FGL1: variants seen among roughly 807,000 people sequenced by gnomAD.
The protein encoded by FGL1 is fibrinogen like 1.
A neutral mutation model predicts 43.7 loss-of-function variants in FGL1; 59 were observed. The ratio of observed to expected loss-of-function variants is 1.35; its 90% CI spans 1.10 to 1.68. The LOEUF is 1.68. FGL1 is among the 40% of genes most tolerant of loss of function. The pLI, the probability that FGL1 is intolerant of heterozygous loss-of-function variation, is 0.00. For missense variants in FGL1, 596 were observed against 373.0 expected (o/e 1.60, Z -4.92); for synonymous variants, 192 against 126.5 (o/e 1.52, Z -3.48).
intron 1 of FGL1, among the ~76,000 whole-genome samples, chr8:17,888,727 T>A (rs2053664029): frequency 2.0e-5 from 3 of 152,190 alleles, no homozygotes; most frequent in Admixed American, 2.0e-4. Context: ...CAATAGTCAA[T>A]AATTTTATTA....
intron 5 of FGL1, among the ~76,000 whole-genome samples, chr8:17,870,614 A>G (rs1310914592): frequency 6.6e-6 from 1 of 152,120 alleles, no homozygotes; most frequent in African/African-American, 2.4e-5. Flanking sequence ...ACTTATAGCA[A>G]GGGGCTTTGG....
intron 1 of FGL1, among the ~76,000 whole-genome samples, chr8:17,893,085 C>A (rs2053728072): frequency 6.6e-6 from 1 of 152,046 alleles, no homozygotes; most frequent in African/African-American, 2.4e-5. Flanking sequence ...CCTTTTATCC[C>A]AGCTACTGTG....
intron 3 of FGL1, among the ~76,000 whole-genome samples, chr8:17,878,082 G>T (rs2053482839): frequency 6.6e-6 from 1 of 151,992 alleles, no homozygotes; most frequent in Non-Finnish European, 1.5e-5. Context: ...TCAGCCTCCT[G>T]AGTAGCTGGG....
intron 7 of FGL1, chr8:17,868,309 G>C (rs941065680): frequency 3.3e-6 from 1 of 304,994 alleles, no homozygotes; most frequent in Non-Finnish European, 5.9e-6. Flanking sequence ...AATTCAGTTT[G>C]CAAATGATCT....
chr8:17,868,733 A>T lies in FGL1; in HGVS notation c.594T>A (p.Asn198Lys), dbSNP rs1563447184. Residue 198 changes from asparagine (N) to lysine (K), a missense_variant and splice_region_variant, in exon 7 of 8, where the codon AAT (asparagine) becomes AAA (lysine). By Grantham distance (94) the Asn-to-Lys change is moderately conservative. Coordinates refer to ENST00000427924, the MANE Select transcript of FGL1 (RefSeq NM_004467.4). ...ATTCCCCAATATTCAACTCGTAGAA[A>T]TTCTAAAGAAAAAGGGCATTTCTGC... ...YKNFKVGDEK[N>K]FYELNIGEYS... The T allele has an allele frequency of 6.2e-7, 1 of 1,608,278 alleles. No individual in the cohort carries two copies. The highest frequency in any genetic ancestry group is 1.7e-5 in the Admixed American group (1 of 58,726).
intron 5 of FGL1, among the ~76,000 whole-genome samples, chr8:17,871,410 C>T (rs2053357754): frequency 6.7e-6 from 1 of 149,250 alleles, no homozygotes; most frequent in African/African-American, 2.5e-5. Context: ...ATGAGAATTG[C>T]TTGAGCCAAG....
intron 5 of FGL1, among the ~76,000 whole-genome samples, chr8:17,871,107 G>C (rs764220023): frequency 6.6e-6 from 1 of 152,064 alleles, no homozygotes; most frequent in Non-Finnish European, 1.5e-5. Context: ...CCTTGCCCCA[G>C]GGAGCTCTCT....
rs763584085 is a variant in FGL1 at position 17,882,024 on chromosome 8, A to T, written c.219T>A (p.Asp73Glu). The T allele has an allele frequency of 9.9e-6, 16 of 1,613,962 alleles. No individual in the cohort carries two copies. The East Asian group carries it at 3.6e-4, about 36-fold the overall frequency. ...LDKGDENTVIDLGSKRQYADC... is the reference protein window; with the variant it reads ...LDKGDENTVIELGSKRQYADC... ...CTGCATACTGCCTCTTGCTTCCAAG[A>T]TCAATGACAGTATTCTCATCTCCTT... is the stretch of plus-strand genomic sequence containing the variant. Residue 73 changes from aspartate to glutamate, a missense_variant, in exon 3 of 8, where the codon GAT becomes GAA. Transcript: ENST00000427924.
At position 17,875,777 on chromosome 8, in the gene FGL1, T is replaced by A. The variant is rs202050303; in HGVS notation, c.245-1256A>T. 3.4e-4 allele frequency among the ~76,000 whole-genome samples: 52 copies of A among 152,146 alleles called. No individual in the cohort carries two copies. In the East Asian group the frequency reaches 9.7e-3, roughly 28 times the overall value. On this transcript the variant is annotated intron_variant, in intron 3 of 7. Transcript: ENST00000427924. ...GCACCTACACACCTGGCTAATTTTT[T>A]TGTATTTTTAGTACAGACTGGATTT...
intron 6 of FGL1, 85 bp downstream of exon 6, chr8:17,868,830 TA>T (rs1585127199): frequency 6.8e-7 from 1 of 1,466,198 alleles, no homozygotes; most frequent in East Asian, 2.3e-5. Flanking sequence ...GGTTCTATTG[TA>T]TATTTTTATT....
intron 1 of FGL1, among the ~76,000 whole-genome samples, chr8:17,889,536 C>T (rs747029653): frequency 1.3e-5 from 2 of 152,062 alleles, no homozygotes; most frequent in Non-Finnish European, 2.9e-5. Flanking sequence ...GGTGACAGAG[C>T]GACACTCCAC....
intron 1 of FGL1, among the ~76,000 whole-genome samples, chr8:17,887,007 C>G (rs1235698315): frequency 6.6e-6 from 1 of 152,138 alleles, no homozygotes; most frequent in Non-Finnish European, 1.5e-5. Flanking sequence ...TTCTCGTACC[C>G]TTTCAGAATA....
At chr8:17,874,663 T>C (rs2053418590) in intron 3 of FGL1, 142 bp from the exon 4 acceptor site, 1 of 497,674 alleles carries the variant, frequency 2.0e-6, no homozygotes, top group African/African-American at 2.0e-5. Context: ...AATTGCATCT[T>C]GTACATCTTC....
At chr8:17,878,511 T>G (rs1175156507) in intron 3 of FGL1, among the ~76,000 whole-genome samples, 1 of 152,154 alleles carries the variant, frequency 6.6e-6, no homozygotes, top group African/African-American at 2.4e-5. Context: ...GCCAGTGGTG[T>G]TGTCAAGTGA....
chr8:17,875,918 C>G (rs530953916), intron 3 of FGL1, among the ~76,000 whole-genome samples: 140 of 152,238 alleles, frequency 9.2e-4, no homozygotes, highest in South Asian at 3.5e-3. Flanking sequence ...ATGGTGATGT[C>G]TGTTCCTTAA....
intron 5 of FGL1, among the ~76,000 whole-genome samples, chr8:17,873,450 C>T (rs558184011): frequency 2.6e-5 from 4 of 151,966 alleles, no homozygotes; most frequent in Non-Finnish European, 2.9e-5. Flanking sequence ...TCAGCAGAGC[C>T]CAGCCCTGAT....
At chr8:17,885,110 A>G (rs2131736166) in intron 2 of FGL1, among the ~76,000 whole-genome samples, 1 of 151,432 alleles carries the variant, frequency 6.6e-6, no homozygotes, top group South Asian at 2.1e-4. Context: ...GCATGATCTC[A>G]GTTCACTGCA....
In FGL1 at chr8:17,885,546, C is replaced by G. The variant is rs376327490; in HGVS notation, c.9G>C (p.Lys3Asn). The G allele has an allele frequency of 6.2e-7, 1 of 1,613,638 alleles. No individual in the cohort carries two copies. The highest frequency in any genetic ancestry group is 8.5e-7 in the Non-Finnish European group (1 of 1,179,780). MA[K>N]VFSFILVTTA... ...TGGTAACAAGGATGAAACTGAACAC[C>G]TTTGCCATGTTCCCCCTTGAAAAAA... is the stretch of plus-strand genomic sequence containing the variant. Residue 3 changes from lysine (K) to asparagine (N), a missense_variant, in exon 2 of 8, where the codon AAG becomes AAC. Coordinates refer to ENST00000427924, the MANE Select transcript of FGL1 (RefSeq NM_004467.4).
At chr8:17,867,455 T>A (rs184714442) in intron 7 of FGL1, among the ~76,000 whole-genome samples, 2 of 152,220 alleles carry the variant, frequency 1.3e-5, no homozygotes, top group Non-Finnish European at 2.9e-5. Flanking sequence ...TGTTTTTTCC[T>A]ATAATATACA....
Sources: gnomAD v4.1 joint callset for allele counts (sites outside exome capture counted in the v4.1 genomes callset) on GRCh38, gnomAD v4.1.1 for gene constraint, MANE v1.5 for transcripts, NCBI Gene and HGNC (gene_info 2026-07-23, HGNC 2026-07-21) for gene names.